SLC5A3: variants seen among roughly 807,000 people sequenced by gnomAD.
SLC5A3 encodes the protein solute carrier family 5 member 3.
SLC5A3 carries 10 observed loss-of-function variants against 43.2 expected under a neutral mutation model. The ratio of observed to expected loss-of-function variants is 0.23; its 90% CI spans 0.14 to 0.39. The LOEUF is 0.39. Among genes scored for constraint, SLC5A3 ranks in the 10% least tolerant of loss-of-function variants. SLC5A3 has a pLI of 1.00. For synonymous variants in SLC5A3, 349 were observed against 322.0 expected (o/e 1.08, Z -0.90); for missense variants, 608 against 893.4 (o/e 0.68, Z 4.07).
intron 1 of SLC5A3, among the ~76,000 whole-genome samples, chr21:34,082,218 A>T (rs1179970973): frequency 1.3e-5 from 2 of 152,156 alleles, no homozygotes; most frequent in African/African-American, 4.8e-5. Context: ...GACAAAGCCC[A>T]CCTTGTTAAT....
At chr21:34,082,280 T>C (rs1172241096) in intron 1 of SLC5A3, among the ~76,000 whole-genome samples, 1 of 152,202 alleles carries the variant, frequency 6.6e-6, no homozygotes, top group East Asian at 1.9e-4. Context: ...GCATATTCAA[T>C]TCTTGAAAGT....
chr21:34,084,465 G>A (rs1169141541), intron 1 of SLC5A3, among the ~76,000 whole-genome samples: 8 of 152,174 alleles, frequency 5.3e-5, no homozygotes, highest in Non-Finnish European at 7.4e-5. Context: ...TAGCCTTTGA[G>A]GGAGGCTAGA....
rs371233622 is a variant in SLC5A3 at position 34,086,413 on chromosome 21, T to G, written c.-336-8450T>G. Reference sequence around the variant, plus strand: ...AGCATCCCTGTACTCATAGCCTGGGTGCATTACTTCAGGGCTTACCGGTGG... The same window carrying G: ...AGCATCCCTGTACTCATAGCCTGGGGGCATTACTTCAGGGCTTACCGGTGG... On this transcript the variant is annotated intron_variant, in intron 1 of 1. Coordinates refer to ENST00000381151, the MANE Select transcript of SLC5A3 (RefSeq NM_006933.7). 1.2e-3 allele frequency among the ~76,000 whole-genome samples: 188 copies of G among 152,258 alleles called. 2 individuals are homozygous for G. The highest frequency in any genetic ancestry group is 4.1e-3 in the African/African-American group (172 of 41,524).
intron 1 of SLC5A3, among the ~76,000 whole-genome samples, chr21:34,087,171 T>G (rs1978431262): frequency 2.0e-5 from 3 of 152,196 alleles, no homozygotes; most frequent in African/African-American, 7.2e-5. Flanking sequence ...ATGAACATAT[T>G]TGTCTAGTCC....
In SLC5A3 at chr21:34,103,215, G is replaced by T. The variant is rs1174447743; in HGVS notation, c.*5860G>T. The T allele has an allele frequency of 3.0e-6, 3 of 999,460 alleles. No individual in the cohort carries two copies. In the African/African-American group the frequency reaches 5.3e-5, roughly 18 times the overall value. 61.9% of individuals were successfully genotyped at this position (999,460 alleles called of 1,614,324 possible). On this transcript the variant is annotated 3_prime_UTR_variant, in exon 2 of 2. Coordinates refer to ENST00000381151, the MANE Select transcript of SLC5A3 (RefSeq NM_006933.7). ...TTATGTGTTTGGATTAGTGCCTTCT[G>T]GTTACCAGTATTGACTCTGCTAGTT...
chr21:34,097,943 T>G lies in SLC5A3; in HGVS notation c.*588T>G. 1.0e-6 allele frequency: 1 copy of G among 996,562 alleles called. No individual in the cohort carries two copies. Among genetic ancestry groups the G allele is most frequent in the Non-Finnish European group, 1.2e-6 (1 of 826,706 alleles). 61.7% of individuals were successfully genotyped at this position (996,562 alleles called of 1,614,324 possible). A position where few individuals can be genotyped will look rare whatever the true frequency, so the allele number is the denominator to read the frequency against. ...GAAAGAATGTTTTCCTGTAGGTATT[T>G]TTGTACCACCAGTATATGGAATGTT... is the stretch of plus-strand genomic sequence containing the variant. On this transcript the variant is annotated 3_prime_UTR_variant, in exon 2 of 2. Transcript: ENST00000381151.
chr21:34,083,152 A>T (rs1459133777), intron 1 of SLC5A3, among the ~76,000 whole-genome samples: 2 of 152,210 alleles, frequency 1.3e-5, no homozygotes, highest in African/African-American at 2.4e-5. Flanking sequence ...TTGTCAGGTG[A>T]AGAAACCAAG....
rs149125878 is a variant in SLC5A3 at position 34,105,372 on chromosome 21, A to G, written c.*8017A>G. 1 of 999,680 alleles carries G rather than the reference A, an allele frequency of 1.0e-6. No homozygotes were observed. Among genetic ancestry groups the G allele is most frequent in the Admixed American group, 6.1e-5 (1 of 16,286 alleles). The allele number at this position is 999,680 out of a possible 1,614,324, so 61.9% of individuals were successfully genotyped here. A position where few individuals can be genotyped will look rare whatever the true frequency, so the allele number is the denominator to read the frequency against. On this transcript the variant is annotated 3_prime_UTR_variant, in exon 2 of 2. Transcript: ENST00000381151. Reference sequence around the variant, plus strand: ...TGTGCAAAAGTTAGTAGTCTTCTTCAAGAAGAAAACCAATTCTTTTTCTAA... The same window carrying G: ...TGTGCAAAAGTTAGTAGTCTTCTTCGAGAAGAAAACCAATTCTTTTTCTAA...
chr21:34,104,876 C>T lies in SLC5A3; in HGVS notation c.*7521C>T. The T allele has an allele frequency of 1.0e-6, 1 of 1,000,112 alleles. No individual in the cohort carries two copies. Among genetic ancestry groups the T allele is most frequent in the Non-Finnish European group, 1.2e-6 (1 of 829,848 alleles). The allele number at this position is 1,000,112 out of a possible 1,614,324, so 62.0% of individuals were successfully genotyped here. Reference sequence around the variant, plus strand: ...TTTGTAAGAACTGTACAAAAAAATGCTTCTGGAGATTTCTTTGGCAGAAAT... The same window carrying T: ...TTTGTAAGAACTGTACAAAAAAATGTTTCTGGAGATTTCTTTGGCAGAAAT... On this transcript the variant is annotated 3_prime_UTR_variant, in exon 2 of 2. Coordinates refer to ENST00000381151, the MANE Select transcript of SLC5A3 (RefSeq NM_006933.7).
Position 34,103,065 on chromosome 21 carries a change from A to G in SLC5A3, c.*5710A>G. On this transcript the variant is annotated 3_prime_UTR_variant, in exon 2 of 2. Coordinates refer to ENST00000381151, the MANE Select transcript of SLC5A3 (RefSeq NM_006933.7). ...CTAGACTTCTGTAAGTGGAATGTTC[A>G]TTAGTAACTCATCTTTTTGTTGTTA... 1 of 1,000,122 alleles carries G rather than the reference A, an allele frequency of 1.0e-6. No homozygotes were observed. Among genetic ancestry groups the G allele is most frequent in the Non-Finnish European group, 1.2e-6 (1 of 829,918 alleles). 62.0% of individuals were successfully genotyped at this position (1,000,122 alleles called of 1,614,324 possible). A position where few individuals can be genotyped will look rare whatever the true frequency, so the allele number is the denominator to read the frequency against.
chr21:34,089,423 T>A (rs1978566225), intron 1 of SLC5A3, among the ~76,000 whole-genome samples: 1 of 151,850 alleles, frequency 6.6e-6, no homozygotes, highest in Non-Finnish European at 1.5e-5. Context: ...AGTAGTAGTT[T>A]CATAGTTGTT....
At chr21:34,088,472 C>T (rs1978511582) in intron 1 of SLC5A3, among the ~76,000 whole-genome samples, 1 of 152,228 alleles carries the variant, frequency 6.6e-6, no homozygotes, top group African/African-American at 2.4e-5. Flanking sequence ...AAGATTTCAA[C>T]TGGTTTTTAT....
chr21:34,074,556 C>T (rs1243622771), intron 1 of SLC5A3, among the ~76,000 whole-genome samples: 1 of 152,202 alleles, frequency 6.6e-6, no homozygotes, highest in Non-Finnish European at 1.5e-5. Flanking sequence ...GGACAGGGGC[C>T]CGCGGCCCGG....
intron 1 of SLC5A3, among the ~76,000 whole-genome samples, chr21:34,091,540 A>C (rs905714442): frequency 1.3e-4 from 20 of 152,114 alleles, no homozygotes; most frequent in African/African-American, 4.6e-4. Flanking sequence ...TGCTTATTTA[A>C]ATTTGGTCTT....
chr21:34,094,436 A>G (rs895051222), intron 1 of SLC5A3, among the ~76,000 whole-genome samples: 2 of 152,174 alleles, frequency 1.3e-5, no homozygotes, highest in African/African-American at 4.8e-5. Context: ...AGTTACCCCC[A>G]AACTCTCTTA....
chr21:34,075,022 A>G (rs902883627), intron 1 of SLC5A3, among the ~76,000 whole-genome samples: 3 of 152,244 alleles, frequency 2.0e-5, no homozygotes, highest in Non-Finnish European at 4.4e-5. Context: ...GTATCTGTTC[A>G]GCCTCTTGAA....
At chr21:34,076,769 G>T (rs900796042) in intron 1 of SLC5A3, among the ~76,000 whole-genome samples, 2 of 152,156 alleles carry the variant, frequency 1.3e-5, no homozygotes, top group Non-Finnish European at 2.9e-5. Flanking sequence ...CAAGCAATTT[G>T]AAAAACCAGT....
At position 34,100,759 on chromosome 21, in the gene SLC5A3, A is replaced by G. The variant is rs1271040425; in HGVS notation, c.*3404A>G. Reference sequence around the variant, plus strand: ...TAGAGTGTGTCTGTATTCGCAGTCCATGGCTCATTTTCTTTATAGTAGGCA... The same window carrying G: ...TAGAGTGTGTCTGTATTCGCAGTCCGTGGCTCATTTTCTTTATAGTAGGCA... On this transcript the variant is annotated 3_prime_UTR_variant, in exon 2 of 2. Transcript: ENST00000381151. 4.2e-5 allele frequency: 42 copies of G among 1,000,066 alleles called. No homozygotes were observed. The highest frequency in any genetic ancestry group is 1.0e-3 in the Middle Eastern group (2 of 1,936). The allele number at this position is 1,000,066 out of a possible 1,614,324, so 61.9% of individuals were successfully genotyped here. A position where few individuals can be genotyped will look rare whatever the true frequency, so the allele number is the denominator to read the frequency against.
At chr21:34,091,801 A>G (rs566598139) in intron 1 of SLC5A3, among the ~76,000 whole-genome samples, 1 of 152,160 alleles carries the variant, frequency 6.6e-6, no homozygotes, top group Non-Finnish European at 1.5e-5. Flanking sequence ...TCTGCTCATC[A>G]CCACTAGGGG....
Sources: allele counts gnomAD v4.1 joint callset (sites outside exome capture counted in the v4.1 genomes callset), GRCh38; gene constraint gnomAD v4.1.1; transcripts MANE v1.5; gene names NCBI Gene and HGNC (gene_info 2026-07-23, HGNC 2026-07-21).